Variants in NRXN3 observed in about 807,000 individuals in gnomAD.
The protein encoded by NRXN3 is neurexin 3.
NRXN3 carries 32 observed loss-of-function variants against 137.6 expected under a neutral mutation model. The observed-to-expected ratio is 0.23, with a 90% CI of 0.18 to 0.31. The LOEUF is 0.31. Ranked by LOEUF, NRXN3 falls within the 10% of genes least tolerant of loss-of-function variation. NRXN3 has a pLI of 1.00. For missense variants in NRXN3, 1,574 were observed against 2,062.5 expected (o/e 0.76, Z 4.59); for synonymous variants, 798 against 784.5 (o/e 1.02, Z -0.29).
intron 8 of NRXN3, among the ~76,000 whole-genome samples, chr14:78,727,869 G>A (rs2098493692): frequency 2.0e-5 from 3 of 152,248 alleles, no homozygotes; most frequent in South Asian, 4.1e-4. Flanking sequence ...TTTGACCATA[G>A]GAACATCTTA....
At chr14:79,577,541 C>T (rs1267356508) in intron 16 of NRXN3, among the ~76,000 whole-genome samples, 1 of 152,160 alleles carries the variant, frequency 6.6e-6, no homozygotes, top group Non-Finnish European at 1.5e-5. Context: ...TAACTTACTC[C>T]TTCAGAAATG....
At chr14:79,824,230 G>T (rs1317285473) in intron 20 of NRXN3, among the ~76,000 whole-genome samples, 1 of 152,064 alleles carries the variant, frequency 6.6e-6, no homozygotes, top group African/African-American at 2.4e-5. Context: ...CCCTCGATAG[G>T]ATGTCCAGAA....
intron 19 of NRXN3, among the ~76,000 whole-genome samples, chr14:79,777,645 GTTAT>G (rs1290205814): frequency 6.6e-6 from 1 of 151,950 alleles, no homozygotes; most frequent in Non-Finnish European, 1.5e-5. Context: ...TATTTTGAAG[GTTAT>G]TTATTTATTC....
At chr14:79,653,073 T>G (rs1276402730) in intron 16 of NRXN3, among the ~76,000 whole-genome samples, 4 of 152,146 alleles carry the variant, frequency 2.6e-5, no homozygotes, top group Middle Eastern at 3.4e-3. Context: ...AGTCCCCACG[T>G]GCAGACAGGC....
chr14:78,349,700 C>G (rs1291381716), intron 4 of NRXN3, among the ~76,000 whole-genome samples: 3 of 152,162 alleles, frequency 2.0e-5, no homozygotes, highest in Non-Finnish European at 4.4e-5. Context: ...CTTTGCATTC[C>G]CCTTCAAGGA....
intron 15 of NRXN3, among the ~76,000 whole-genome samples, chr14:79,284,110 T>C (rs1044963738): frequency 3.3e-5 from 5 of 151,566 alleles, no homozygotes; most frequent in African/African-American, 1.2e-4. Context: ...TAGTAAAATA[T>C]ATTTGTTTAC....
intron 10 of NRXN3, among the ~76,000 whole-genome samples, chr14:78,937,416 C>G (rs1476138619): frequency 6.6e-6 from 1 of 152,060 alleles, no homozygotes; most frequent in Non-Finnish European, 1.5e-5. Context: ...TTTGAAACAG[C>G]AGGGGCTCAC....
chr14:78,744,630 A>G (rs190029450), intron 8 of NRXN3: 20 of 152,348 alleles, frequency 1.3e-4, no homozygotes, highest in Admixed American at 1.2e-3. Context: ...TTCTAAAGTC[A>G]TGTAATTAAT....
chr14:79,630,738 A>ATT (rs2098336223), intron 16 of NRXN3, among the ~76,000 whole-genome samples: 1 of 152,166 alleles, frequency 6.6e-6, no homozygotes, highest in Admixed American at 6.5e-5. Context: ...TTGCGTGAAA[A>ATT]TAGTCCTTCT....
intron 1 of NRXN3, among the ~76,000 whole-genome samples, chr14:78,183,722 C>G (rs1595683989): frequency 6.6e-6 from 1 of 152,266 alleles, no homozygotes; most frequent in East Asian, 1.9e-4. Flanking sequence ...AGGGGAGAAG[C>G]TAGAAGTGGG....
At chr14:79,694,623 GA>G (rs1308745537) in intron 18 of NRXN3, among the ~76,000 whole-genome samples, 1 of 151,890 alleles carries the variant, frequency 6.6e-6, no homozygotes, top group African/African-American at 2.4e-5. Context: ...ATCTGGCATT[GA>G]TTTGGGGAAA....
intron 10 of NRXN3, among the ~76,000 whole-genome samples, chr14:78,942,417 A>G (rs978329676): frequency 3.3e-5 from 5 of 152,202 alleles, no homozygotes; most frequent in African/African-American, 1.2e-4. Context: ...TGGAGCCCAT[A>G]TGTCAGACAT....
intron 15 of NRXN3, among the ~76,000 whole-genome samples, chr14:79,277,135 G>A (rs1448779691): frequency 6.6e-6 from 1 of 152,176 alleles, no homozygotes; most frequent in East Asian, 1.9e-4. Flanking sequence ...GAGGGTCTCT[G>A]AGGAGGTGAC....
chr14:78,196,206 C>A (rs1032916140), intron 1 of NRXN3, among the ~76,000 whole-genome samples: 1 of 152,210 alleles, frequency 6.6e-6, no homozygotes, highest in Admixed American at 6.5e-5. Flanking sequence ...CCATGTCTGG[C>A]GGTCATGAGG....
intron 4 of NRXN3, among the ~76,000 whole-genome samples, chr14:78,400,497 G>A (rs12590121): frequency 0.046 from 7,017 of 152,164 alleles, 224 homozygotes; most frequent in South Asian, 0.09. Flanking sequence ...TTGATTCATC[G>A]GATTGCGGAT....
intron 16 of NRXN3, among the ~76,000 whole-genome samples, chr14:79,571,926 A>G (rs1381852746): frequency 6.6e-6 from 1 of 152,174 alleles, no homozygotes; most frequent in Non-Finnish European, 1.5e-5. Flanking sequence ...GAGCAACTCA[A>G]ACTATTTCCC....
chr14:79,076,162 T>C (rs2045936304), intron 15 of NRXN3, among the ~76,000 whole-genome samples: 1 of 152,176 alleles, frequency 6.6e-6, no homozygotes, highest in Non-Finnish European at 1.5e-5. Context: ...ATCTGTCACC[T>C]CAACTATTGA....
intron 8 of NRXN3, among the ~76,000 whole-genome samples, chr14:78,753,107 C>T (rs1023989959): frequency 1.3e-4 from 20 of 152,094 alleles, no homozygotes; most frequent in African/African-American, 4.3e-4. Flanking sequence ...TGTAAGTGAC[C>T]AGCCACTCAG....
intron 16 of NRXN3, among the ~76,000 whole-genome samples, chr14:79,618,938 T>C (rs1320965229): frequency 6.6e-6 from 1 of 152,118 alleles, no homozygotes; most frequent in Non-Finnish European, 1.5e-5. Context: ...GCAGTTTTGG[T>C]TTGCATTTCT....
Sources: allele counts gnomAD v4.1 joint callset (sites outside exome capture counted in the v4.1 genomes callset), GRCh38; gene constraint gnomAD v4.1.1; transcripts MANE v1.5; gene names NCBI Gene and HGNC (gene_info 2026-07-23, HGNC 2026-07-21).